The following MAST1 variants were observed in gnomAD, a reference collection of about 807,000 sequenced individuals.
MAST1 encodes the protein microtubule associated serine/threonine kinase 1, also known as microtubule-associated serine/threonine-protein kinase 1.
Under a neutral mutation model 124.6 loss-of-function variants are expected in MAST1, and 40 were observed. The ratio of observed to expected loss-of-function variants is 0.32; its 90% CI spans 0.25 to 0.42. The LOEUF is 0.42. Ranked by LOEUF, MAST1 falls within the 10% of genes least tolerant of loss-of-function variation. MAST1 has a pLI of 1.00. For synonymous variants in MAST1, 938 were observed against 939.4 expected, an observed-to-expected ratio of 1.00 and a Z score of 0.03; for missense variants, 1,558 against 2,181.9, an observed-to-expected ratio of 0.71 and a Z score of 5.70.
intron 20 of MAST1, 113 bp downstream of exon 20, chr19:12,868,090 A>AT: frequency 1.2e-6 from 1 of 812,572 alleles, no homozygotes; most frequent in Non-Finnish European, 1.6e-6. Context: ...TCCTATTCAC[A>AT]TTGCAATTTG....
At chr19:12,868,103 A>ATTTTTTTTTGTTTTTTTTTTTTTTTT (rs1970182039) in intron 20 of MAST1, 126 bp downstream of exon 20, 1 of 291,088 alleles carries the variant, frequency 3.4e-6, no homozygotes, top group Admixed American at 9.1e-5. Context: ...GCAATTTGGG[A>ATTTTTTTTTGTTTTTTTTTTTTTTTT]TTTTTTTTTT....
In MAST1 at chr19:12,840,951, C is replaced by A. The variant is rs375471075; in HGVS notation, c.173-40C>A. The A allele has an allele frequency of 1.0e-4, 84 of 811,910 alleles. No homozygotes were observed. The South Asian group carries it at 1.1e-3, about 11-fold the overall frequency. 50.3% of individuals were successfully genotyped at this position (811,910 alleles called of 1,614,324 possible). ...GCTGTTTGCACGCCGCTTTAGGGAA[C>A]GAGAGACCTGACAGGATTTGCCCCC... On this transcript the variant is annotated intron_variant, in intron 2 of 25. Coordinates refer to ENST00000251472, the MANE Select transcript of MAST1 (RefSeq NM_014975.3).
At chr19:12,839,196 C>T (rs902294814) in intron 1 of MAST1, among the ~76,000 whole-genome samples, 2 of 149,962 alleles carry the variant, frequency 1.3e-5, no homozygotes, top group Non-Finnish European at 3.0e-5. Context: ...AATAGTGACA[C>T]ACAGCGTCAC....
Position 12,873,985 on chromosome 19 carries a change from G to A in MAST1, c.3828G>A (p.Ala1276=), listed in dbSNP as rs747822217. 8.1e-6 allele frequency: 13 copies of A among 1,602,584 alleles called. No individual in the cohort carries two copies. The highest frequency in any genetic ancestry group is 1.3e-5 in the African/African-American group (1 of 75,034). ...SAEKLGASLS[A]DKKGALRKHS... The stretch of plus-strand genomic sequence containing the variant: ...AGAAGCTGGGAGCCTCTTTGAGTGC[G>A]GACAAGAAGGGCGCGCTGCGCAAAC... The change falls in exon 26 of 26, where the codon GCG becomes GCA. Residue 1276 remains alanine (A), a synonymous_variant. Transcript: ENST00000251472.
At chr19:12,840,404 G>T in intron 1 of MAST1, 42 bp from the exon 2 acceptor site, 1 of 1,323,984 alleles carries the variant, frequency 7.6e-7, no homozygotes. Flanking sequence ...AACTCACTGG[G>T]CTGCGGCCCG....
At chr19:12,840,717 G>A (rs1314824826) in intron 2 of MAST1, among the ~76,000 whole-genome samples, 183 bp downstream of exon 2, 2 of 151,952 alleles carry the variant, frequency 1.3e-5, no homozygotes, top group Non-Finnish European at 2.9e-5. Context: ...TCATTGGGGG[G>A]CGGAGACTCA....
chr19:12,858,553 C>A lies in MAST1; in HGVS notation c.1180C>A (p.Arg394Ser). ...AYGAVYLVRH[R>S]DTRQRFAMKK... ...CAGCGCTGTCTACCTGGTGCGGCACCGCGACACGCGGCAGCGCTTTGCCAT... is the reference window on the plus strand; with the variant it reads ...CAGCGCTGTCTACCTGGTGCGGCACAGCGACACGCGGCAGCGCTTTGCCAT... The change falls in exon 12 of 26, where the codon CGC becomes AGC. Residue 394 changes from arginine (R) to serine (S), a missense_variant. Physicochemically the swap from Arg to Ser is moderately radical, Grantham distance 110. Coordinates refer to ENST00000251472, the MANE Select transcript of MAST1 (RefSeq NM_014975.3). 1 of 1,614,224 alleles carries A rather than the reference C, an allele frequency of 6.2e-7. No individual in the cohort carries two copies. The highest frequency in any genetic ancestry group is 8.5e-7 in the Non-Finnish European group (1 of 1,180,048).
chr19:12,869,305 C>T lies in MAST1; in HGVS notation c.3003+10C>T. 3.7e-6 allele frequency: 6 copies of T among 1,606,702 alleles called. No individual in the cohort carries two copies. Among genetic ancestry groups the T allele is most frequent in the African/African-American group, 1.3e-5 (1 of 74,844 alleles). ...CCACCACATTGTCTGGGTGAGTACTCATGGGTGGAGTCTCCATCACAGAGT... is the reference window on the plus strand; with the variant it reads ...CCACCACATTGTCTGGGTGAGTACTTATGGGTGGAGTCTCCATCACAGAGT... On this transcript the variant is annotated intron_variant, in intron 22 of 25. Transcript: ENST00000251472.
chr19:12,844,031 G>T (rs1178349799), intron 4 of MAST1, among the ~76,000 whole-genome samples: 1 of 152,068 alleles, frequency 6.6e-6, no homozygotes, highest in African/African-American at 2.4e-5. Flanking sequence ...AGACAGTTTG[G>T]GTTTCCCCAT....
At chr19:12,849,822 A>G (rs1969940139) in intron 7 of MAST1, among the ~76,000 whole-genome samples, 1 of 151,674 alleles carries the variant, frequency 6.6e-6, no homozygotes, top group African/African-American at 2.4e-5. Context: ...TTGGAGACAG[A>G]GTCTCACTCT....
chr19:12,862,025 G>A (rs919703548), intron 12 of MAST1, among the ~76,000 whole-genome samples: 3 of 144,840 alleles, frequency 2.1e-5, no homozygotes, highest in Non-Finnish European at 3.0e-5. Flanking sequence ...TTTTGAAATG[G>A]AGTCTCACTC....
rs1969822289 is a variant in MAST1, at chr19:12,841,182, C to A, written c.248+116C>A. 2 of 631,778 alleles carry A rather than the reference C, an allele frequency of 3.2e-6. No homozygotes were observed. The highest frequency in any genetic ancestry group is 5.8e-6 in the Non-Finnish European group (2 of 347,130). The allele number at this position is 631,778 out of a possible 1,614,324, so 39.1% of individuals were successfully genotyped here. A position where few individuals can be genotyped will look rare whatever the true frequency, so the allele number is the denominator to read the frequency against. ...CCGAGCTGGGGCCTGAGGGGACCAG[C>A]GAGTGCCCCAAGGTCTCAGCGGGAA... is the stretch of plus-strand genomic sequence containing the variant. On this transcript the variant is annotated intron_variant, in intron 3 of 25. Coordinates refer to ENST00000251472, the MANE Select transcript of MAST1 (RefSeq NM_014975.3). The surrounding 1 kb of genome is among the most constrained non-coding windows in gnomAD (Gnocchi z 4.3).
intron 10 of MAST1, among the ~76,000 whole-genome samples, chr19:12,856,434 C>T (rs1345945347): frequency 6.6e-6 from 1 of 151,664 alleles, no homozygotes; most frequent in East Asian, 1.9e-4. Context: ...TTCCAAGCAG[C>T]TGGGATTATA....
chr19:12,867,911 G>A lies in MAST1; in HGVS notation c.2500G>A (p.Asp834Asn). 1 of 1,602,424 alleles carries A rather than the reference G, an allele frequency of 6.2e-7. No homozygotes were observed. The highest frequency in any genetic ancestry group is 8.5e-7 in the Non-Finnish European group (1 of 1,175,566). Residue 834 changes from aspartate to asparagine, a missense_variant, in exon 20 of 26, where the codon GAT becomes AAT. Asp to Asn is a conservative substitution (Grantham distance 23). Around this residue, in one of 10 missense-constraint regions of MAST1, gnomAD observed 287 missense variants for 308.0 expected, o/e 0.93. Coordinates refer to ENST00000251472, the MANE Select transcript of MAST1 (RefSeq NM_014975.3). The stretch of plus-strand genomic sequence containing the variant: ...CAGCTCCGACCCCGCGGGATCCCTG[G>A]ATGCACGGGCCCCCAAAGAGGAGAC... ...RPSSDPAGSLDARAPKEETQG... is the reference protein window; with the variant it reads ...RPSSDPAGSLNARAPKEETQG...
Position 12,841,081 on chromosome 19 carries a change from T to C in MAST1, c.248+15T>C. On this transcript the variant is annotated intron_variant, in intron 3 of 25. Transcript: ENST00000251472. This position sits in a 1 kb window ranked among gnomAD's most constrained non-coding sequence, Gnocchi z 4.3. The stretch of plus-strand genomic sequence containing the variant: ...TCCTCCCGAAGGTGAGTCCCTCCCC[T>C]CCAGGGCCCCAGAACCCTGGGCAGA... The C allele has an allele frequency of 7.1e-7, 1 of 1,402,658 alleles. No homozygotes were observed. The allele number at this position is 1,402,658 out of a possible 1,614,324, so 86.9% of individuals were successfully genotyped here.
At chr19:12,867,175 AG>A (rs2145908935) in intron 18 of MAST1, among the ~76,000 whole-genome samples, 1 of 152,338 alleles carries the variant, frequency 6.6e-6, no homozygotes, top group South Asian at 2.1e-4. Flanking sequence ...AGAGGCGTGC[AG>A]GGCCTAGCCT....
At chr19:12,852,077 T>C (rs750998404) in intron 8 of MAST1, 38 bp from the exon 9 acceptor site, 52 of 1,613,466 alleles carry the variant, frequency 3.2e-5, no homozygotes, top group Non-Finnish European at 4.2e-5. Flanking sequence ...TGGTAGACCC[T>C]GGGAGCCTGT....
At chr19:12,850,456 A>C (rs895991735) in intron 7 of MAST1, among the ~76,000 whole-genome samples, 2 of 152,248 alleles carry the variant, frequency 1.3e-5, no homozygotes, top group Non-Finnish European at 2.9e-5. Flanking sequence ...CATTAAATTA[A>C]TTTTTGAAAA....
At chr19:12,844,868 T>C (rs1246806280) in intron 4 of MAST1, among the ~76,000 whole-genome samples, 2 of 152,152 alleles carry the variant, frequency 1.3e-5, no homozygotes, top group African/African-American at 4.8e-5. Context: ...TTCTTTATAT[T>C]AAATTGTACT....
Sources: gnomAD v4.1 joint callset for allele counts (sites outside exome capture counted in the v4.1 genomes callset) on GRCh38, gnomAD v4.1.1 for gene constraint, gnomAD v4.1.1 regional missense constraint, Gnocchi (gnomAD v3.1) non-coding constraint, MANE v1.5 for transcripts, NCBI Gene and HGNC (gene_info 2026-07-23, HGNC 2026-07-21) for gene names.